ZNF454: variants seen among roughly 807,000 people sequenced by gnomAD.
ZNF454 encodes the protein zinc finger protein 454.
ZNF454 carries 30 observed loss-of-function variants against 48.2 expected under a neutral mutation model. The ratio of observed to expected loss-of-function variants is 0.62; its 90% confidence interval spans 0.47 to 0.84. ZNF454 has a LOEUF of 0.84. ZNF454 is among the 40% of genes least tolerant of loss of function. The pLI, the probability that ZNF454 is intolerant of heterozygous loss-of-function variation, is 0.00. For synonymous variants in ZNF454, 204 were observed against 211.4 expected (o/e 0.97, Z 0.30); for missense variants, 510 against 623.1 (o/e 0.82, Z 1.93).
the ZNF454 span, chr5:178,989,223 C>CAG: frequency 1.2e-5 from 14 of 1,134,312 alleles, no homozygotes; most frequent in Non-Finnish European, 1.7e-5. Context: ...CCTCACCACC[C>CAG]TCCCCACCCT....
At chr5:178,951,017 G>A (rs1347280973) in intron 4 of ZNF454, among the ~76,000 whole-genome samples, 3 of 151,804 alleles carry the variant, frequency 2.0e-5, no homozygotes, top group Non-Finnish European at 4.4e-5. Flanking sequence ...CTGCCACCAC[G>A]CCCGGCTAAT....
the ZNF454 span, chr5:178,981,647 A>G: frequency 8.7e-6 from 14 of 1,608,980 alleles, no homozygotes; most frequent in East Asian, 3.1e-4. This position sits in a 1 kb window ranked among gnomAD's most constrained non-coding sequence, Gnocchi z 5.1. Context: ...TCCCGTTCCC[A>G]CCTGCCCTGC....
chr5:178,963,234 G>A (rs552053602), intron 4 of ZNF454, among the ~76,000 whole-genome samples: 1 of 151,846 alleles, frequency 6.6e-6, no homozygotes, highest in Non-Finnish European at 1.5e-5. Context: ...AGATTTTCTA[G>A]TTGTTTTCTG....
At chr5:178,942,043 C>T (rs1315471772) in intron 1 of ZNF454, among the ~76,000 whole-genome samples, 1 of 152,220 alleles carries the variant, frequency 6.6e-6, no homozygotes, top group Non-Finnish European at 1.5e-5. Context: ...CCTCCGTTGC[C>T]TCTCCCCAGC....
At chr5:178,952,087 G>C (rs1365108213) in intron 4 of ZNF454, among the ~76,000 whole-genome samples, 2 of 151,512 alleles carry the variant, frequency 1.3e-5, no homozygotes, top group Admixed American at 6.6e-5. Flanking sequence ...GCCCAGGCGG[G>C]AGTGCTGTGG....
the ZNF454 span, chr5:178,981,878 G>A: frequency 6.9e-7 from 1 of 1,456,184 alleles, no homozygotes; most frequent in Admixed American, 1.7e-5. This position sits in a 1 kb window ranked among gnomAD's most constrained non-coding sequence, Gnocchi z 5.1. Context: ...GAGGGGACCA[G>A]ATGGGACTCA....
At chr5:178,977,767 C>G in the ZNF454 span, among the ~76,000 whole-genome samples, 1 of 151,956 alleles carries the variant, frequency 6.6e-6, no homozygotes, top group African/African-American at 2.4e-5. Flanking sequence ...TGGTGTTTTG[C>G]CGAGATGGTG....
chr5:178,942,652 A>G (rs1759154341), intron 1 of ZNF454, 33 bp from the exon 2 acceptor site: 1 of 882,992 alleles, frequency 1.1e-6, no homozygotes. Flanking sequence ...GGACTGCTGT[A>G]TGAGAGCTTT....
intron 4 of ZNF454, among the ~76,000 whole-genome samples, chr5:178,950,890 G>A (rs1361755883): frequency 3.5e-5 from 5 of 144,294 alleles, no homozygotes; most frequent in Non-Finnish European, 6.0e-5. Flanking sequence ...CAAGAGTTTC[G>A]CTCTTGTTGT....
chr5:178,965,872 C>T lies in ZNF454; in HGVS notation c.1468C>T (p.His490Tyr), dbSNP rs767817515. The change falls in exon 5 of 5, where the codon CAC (histidine) becomes TAC (tyrosine). Residue 490 changes from histidine to tyrosine, a missense_variant. Coordinates refer to ENST00000519564, the MANE Select transcript of ZNF454 (RefSeq NM_001178089.3). The surrounding 1 kb of genome is among the most constrained non-coding windows in gnomAD (Gnocchi z 5.2). ...STHLTQHQRI[H>Y]TGEKPYKCNK... ...TCACCTGACTCAACATCAGAGGATT[C>T]ACACAGGAGAGAAACCCTATAAATG... The T allele has an allele frequency of 1.9e-6, 3 of 1,614,058 alleles. No individual in the cohort carries two copies. Among genetic ancestry groups the T allele is most frequent in the Admixed American group, 1.7e-5 (1 of 59,986 alleles).
chr5:178,951,539 AT>A (rs1357980279), intron 4 of ZNF454, among the ~76,000 whole-genome samples: 19 of 152,180 alleles, frequency 1.2e-4, no homozygotes, highest in Non-Finnish European at 2.5e-4. Context: ...AAAACTTAAC[AT>A]GTATGTACTT....
downstream of ZNF454, among the ~76,000 whole-genome samples, chr5:178,967,646 TG>T (rs1760182200): frequency 1.3e-5 from 2 of 151,878 alleles, no homozygotes; most frequent in African/African-American, 4.8e-5. Context: ...TGATATTCTC[TG>T]GCAAGGGCCA....
intron 4 of ZNF454, among the ~76,000 whole-genome samples, chr5:178,947,622 G>A (rs1350043297): frequency 6.6e-6 from 1 of 152,180 alleles, no homozygotes; most frequent in Non-Finnish European, 1.5e-5. Context: ...AGACATGACA[G>A]TTTGGTGATG....
At chr5:178,988,982 G>A in the ZNF454 span, 14,223 of 1,614,046 alleles carry the variant, frequency 8.8e-3, 88 homozygotes, top group Non-Finnish European at 9.8e-3. The surrounding 1 kb of genome is among the most constrained non-coding windows in gnomAD (Gnocchi z 6.0). Context: ...CCGCCCATCA[G>A]TGGGTTCCAT....
chr5:178,956,674 A>ATTTT (rs1561702161), intron 4 of ZNF454, among the ~76,000 whole-genome samples: 1,605 of 33,836 alleles, frequency 0.047, 35 homozygotes, highest in Middle Eastern at 0.11. Flanking sequence ...TATTTTATTT[A>ATTTT]ATTTATTTAT....
At chr5:178,971,638 G>A in the ZNF454 span, among the ~76,000 whole-genome samples, 1 of 151,556 alleles carries the variant, frequency 6.6e-6, no homozygotes, top group Non-Finnish European at 1.5e-5. Flanking sequence ...CACGAGGTCA[G>A]GAGATTGAGA....
Position 178,965,067 on chromosome 5 carries a change from T to A in ZNF454, c.663T>A (p.Cys221Ter). 1 of 1,614,182 alleles carries A rather than the reference T, an allele frequency of 6.2e-7. No homozygotes were observed. The highest frequency in any genetic ancestry group is 2.2e-5 in the East Asian group (1 of 44,892). ...AGAAAAGATATGAATGTAGAGAATG[T>A]GGGAAAGCCTTTCACCAGAGTACGC... ...IKEKRYECRE[C>*]GKAFHQSTHL... The change falls in exon 5 of 5, where the codon TGT becomes TGA. Residue 221 changes from cysteine (C) to a stop codon, truncating the protein, a stop_gained. Coordinates refer to ENST00000519564, the MANE Select transcript of ZNF454 (RefSeq NM_001178089.3). LOFTEE classifies it high-confidence loss of function. This position sits in a 1 kb window ranked among gnomAD's most constrained non-coding sequence, Gnocchi z 5.2.
chr5:178,949,335 A>T (rs1270990054), intron 4 of ZNF454, among the ~76,000 whole-genome samples: 1 of 151,754 alleles, frequency 6.6e-6, no homozygotes. Context: ...TACAGGCGTG[A>T]GCCACTGTGC....
chr5:178,974,066 G>A, the ZNF454 span, among the ~76,000 whole-genome samples: 6 of 152,232 alleles, frequency 3.9e-5, no homozygotes, highest in East Asian at 1.2e-3. Flanking sequence ...TAGGAAAGAG[G>A]TTTGTTACAA....
Sources: gnomAD v4.1 joint callset for allele counts (sites outside exome capture counted in the v4.1 genomes callset) on GRCh38, gnomAD v4.1.1 for gene constraint, Gnocchi (gnomAD v3.1) non-coding constraint, MANE v1.5 for transcripts, NCBI Gene and HGNC (gene_info 2026-07-23, HGNC 2026-07-21) for gene names.